The following PCDH15 variants were observed in gnomAD, a reference collection of about 807,000 sequenced individuals.
The protein encoded by PCDH15 is protocadherin-15.
In PCDH15, 129 loss-of-function variants were observed where a neutral mutation model predicts 178.5. The observed-to-expected ratio is 0.72, with a 90% confidence interval of 0.63 to 0.84. The LOEUF is 0.84. PCDH15 is among the 40% of genes least tolerant of loss of function. The pLI is 0.00. For missense variants in PCDH15, 2,230 were observed against 2,099.9 expected (o/e 1.06, Z -1.21); for synonymous variants, 800 against 732.0 (o/e 1.09, Z -1.50).
intron 3 of PCDH15, among the ~76,000 whole-genome samples, chr10:54,437,919 T>C (rs532501569): frequency 6.6e-6 from 1 of 152,314 alleles, no homozygotes; most frequent in Admixed American, 6.5e-5. Flanking sequence ...AATATGCTCG[T>C]TGGAATCTCT....
At chr10:54,685,614 G>A (rs2094982871) in intron 1 of PCDH15, among the ~76,000 whole-genome samples, 1 of 152,162 alleles carries the variant, frequency 6.6e-6, no homozygotes, top group South Asian at 2.1e-4. Flanking sequence ...CAAATGTACA[G>A]ATGCTCATCA....
At chr10:54,102,380 A>G (rs1426695621) in intron 15 of PCDH15, among the ~76,000 whole-genome samples, 1 of 152,226 alleles carries the variant, frequency 6.6e-6, no homozygotes, top group Non-Finnish European at 1.5e-5. Context: ...ATGGCTGTAT[A>G]TCAGGTACCA....
intron 1 of PCDH15, among the ~76,000 whole-genome samples, chr10:54,670,961 G>A (rs969844730): frequency 6.6e-6 from 1 of 151,928 alleles, no homozygotes; most frequent in Non-Finnish European, 1.5e-5. Context: ...CAATTTTTTT[G>A]AGGTTTCCAT....
At chr10:53,933,541 T>C (rs1382994632) in intron 25 of PCDH15, among the ~76,000 whole-genome samples, 1 of 152,258 alleles carries the variant, frequency 6.6e-6, no homozygotes, top group Non-Finnish European at 1.5e-5. Flanking sequence ...CCATGGTGTA[T>C]ATGTGCCACA....
chr10:54,565,872 G>T (rs546748772), intron 2 of PCDH15, among the ~76,000 whole-genome samples: 37 of 150,964 alleles, frequency 2.5e-4, no homozygotes, highest in Admixed American at 5.3e-4. Flanking sequence ...ATCACTTGAG[G>T]TTGGGAGTTT....
chr10:54,722,579 CAA>C (rs34375725), intron 1 of PCDH15, among the ~76,000 whole-genome samples: 2,038 of 131,630 alleles, frequency 0.015, 21 homozygotes, highest in Non-Finnish European at 0.019. Flanking sequence ...CAATTGGGAC[CAA>C]AAAAAAAAAA....
intron 8 of PCDH15, among the ~76,000 whole-genome samples, chr10:54,280,858 C>T (rs1052135234): frequency 2.0e-5 from 3 of 151,788 alleles, no homozygotes; most frequent in Non-Finnish European, 4.4e-5. Context: ...ATTGCAGGCA[C>T]AGTAAATTAT....
At chr10:53,826,192 A>G (rs1588960743) in intron 32 of PCDH15, among the ~76,000 whole-genome samples, 1 of 152,120 alleles carries the variant, frequency 6.6e-6, no homozygotes, top group Middle Eastern at 3.5e-3. Context: ...GTGAAAGCAT[A>G]TATCTAAAGC....
intron 2 of PCDH15, among the ~76,000 whole-genome samples, chr10:54,924,956 G>T (rs976411180): frequency 4.6e-5 from 7 of 152,020 alleles, no homozygotes; most frequent in Non-Finnish European, 8.8e-5. Flanking sequence ...TACTAAGATT[G>T]CATTTGTCAA....
intron 15 of PCDH15, among the ~76,000 whole-genome samples, chr10:54,093,981 C>T (rs1255206119): frequency 6.6e-6 from 1 of 152,092 alleles, no homozygotes; most frequent in African/African-American, 2.4e-5. Flanking sequence ...ATCCGAGTCC[C>T]TTCTTCAAAG....
At chr10:54,388,647 A>G (rs534265616) in intron 3 of PCDH15, among the ~76,000 whole-genome samples, 1 of 152,174 alleles carries the variant, frequency 6.6e-6, no homozygotes, top group Non-Finnish European at 1.5e-5. Context: ...TTGTAGTAAC[A>G]TTATTGGATT....
intron 2 of PCDH15, among the ~76,000 whole-genome samples, chr10:55,548,850 A>C (rs185287597): frequency 1.5e-3 from 228 of 152,258 alleles, no homozygotes; most frequent in African/African-American, 5.0e-3. Context: ...GAATATATAG[A>C]AAAATGACAG....
rs867366962 is a variant in PCDH15, at chr10:54,513,078, C to T, written c.157+14734G>A. Among the ~76,000 whole-genome samples the T allele has an allele frequency of 2.6e-5, 4 of 151,766 alleles. No individual in the cohort carries two copies. The South Asian group carries it at 8.3e-4, about 32-fold the overall frequency. On this transcript the variant is annotated intron_variant, in intron 3 of 37. Transcript: ENST00000644397. ...TGGTTATCTGAATAATCAGATTTTT[C>T]ATTTTATGAAATATTCTTAAATGTA...
chr10:54,169,615 A>G (rs55699616), intron 13 of PCDH15, among the ~76,000 whole-genome samples: 106,187 of 147,018 alleles, frequency 0.72, 39,463 homozygotes, highest in Middle Eastern at 0.8. Flanking sequence ...CCTCCTTTGC[A>G]TACTCCTCTT....
chr10:55,408,133 A>G (rs1838244996), intron 2 of PCDH15, among the ~76,000 whole-genome samples: 1 of 152,132 alleles, frequency 6.6e-6, no homozygotes, highest in Admixed American at 6.6e-5. Flanking sequence ...AAACAGAAAG[A>G]GATAGAAAAC....
Position 54,198,495 on chromosome 10 carries a change from C to CTTTTTT in PCDH15, c.1099-2612_1099-2607dup, listed in dbSNP as rs1186240206. 7.4e-3 allele frequency among the ~76,000 whole-genome samples: 231 copies of CTTTTTT among 31,158 alleles called. 93 individuals carry two copies. The highest frequency in any genetic ancestry group is 0.028 in the African/African-American group (95 of 3,368). The allele number at this position is 31,158 out of a possible 152,430, so 20.4% of individuals were successfully genotyped here. A position where few individuals can be genotyped will look rare whatever the true frequency, so the allele number is the denominator to read the frequency against. On this transcript the variant is annotated intron_variant, in intron 10 of 37. Transcript: ENST00000644397. ...CATCTTTCTTTAATATCTAATTATT[C>CTTTTTT]TTTTTTTTTTTTTTTTTTTTTTTTG...
intron 29 of PCDH15, among the ~76,000 whole-genome samples, chr10:53,833,258 CTGG>C (rs2077116913): frequency 6.6e-6 from 1 of 152,006 alleles, no homozygotes; most frequent in Non-Finnish European, 1.5e-5. Context: ...TATTGGATTC[CTGG>C]ATTTCATATC....
At chr10:55,388,719 A>G (rs1837722341) in intron 2 of PCDH15, among the ~76,000 whole-genome samples, 1 of 152,234 alleles carries the variant, frequency 6.6e-6, no homozygotes, top group East Asian at 1.9e-4. Context: ...AATTAAAGAA[A>G]TGGAAGATAA....
chr10:53,964,380 A>T (rs1354034965), intron 21 of PCDH15, among the ~76,000 whole-genome samples: 3 of 117,932 alleles, frequency 2.5e-5, no homozygotes, highest in Non-Finnish European at 5.3e-5. Flanking sequence ...AAAAAAATTT[A>T]TTTATAAATT....
Sources: allele counts gnomAD v4.1 joint callset (sites outside exome capture counted in the v4.1 genomes callset), GRCh38; gene constraint gnomAD v4.1.1; transcripts MANE v1.5; gene names NCBI Gene and HGNC (gene_info 2026-07-23, HGNC 2026-07-21).